The following NOSTRIN variants were observed in gnomAD, a reference collection of about 807,000 sequenced individuals.
The protein encoded by NOSTRIN is nitric oxide synthase trafficking.
Under a neutral mutation model 59.0 loss-of-function variants are expected in NOSTRIN, and 63 were observed. That is an observed-to-expected ratio of 1.07 (90% CI 0.87 to 1.32). NOSTRIN has a LOEUF of 1.32. Among genes scored for constraint, NOSTRIN ranks in the 40% most tolerant of loss-of-function variants. The pLI is 0.00. For missense variants in NOSTRIN, 512 were observed against 473.1 expected (o/e 1.08, Z -0.76); for synonymous variants, 200 against 165.4 (o/e 1.21, Z -1.61).
chr2:168,833,223 A>T (rs1376291691), intron 6 of NOSTRIN, among the ~76,000 whole-genome samples: 1 of 152,142 alleles, frequency 6.6e-6, no homozygotes, highest in Non-Finnish European at 1.5e-5. Context: ...TATTTGGGAG[A>T]CTCTAATGAA....
chr2:168,831,815 G>A (rs1451778165), intron 6 of NOSTRIN, among the ~76,000 whole-genome samples: 1 of 152,068 alleles, frequency 6.6e-6, no homozygotes, highest in East Asian at 1.9e-4. Context: ...ATTGTGCATT[G>A]CCCCATTTTA....
At chr2:168,822,096 A>G (rs1046109037) in intron 2 of NOSTRIN, among the ~76,000 whole-genome samples, 2 of 152,146 alleles carry the variant, frequency 1.3e-5, no homozygotes, top group African/African-American at 4.8e-5. Context: ...CTGGCTGTTA[A>G]CCAGCACTCT....
intron 10 of NOSTRIN, 87 bp downstream of exon 10, chr2:168,851,491 T>C (rs571468451): frequency 2.0e-6 from 3 of 1,499,536 alleles, no homozygotes; most frequent in Admixed American, 2.4e-5. Context: ...AAAGCAAATA[T>C]CATGTTTTAT....
At chr2:168,797,277 G>A (rs529626261), upstream of NOSTRIN, among the ~76,000 whole-genome samples, 15 of 151,136 alleles carry the variant, frequency 9.9e-5, no homozygotes, top group Admixed American at 2.6e-4. Flanking sequence ...TTTTATTTTT[G>A]GTAGAGATGG....
chr2:168,863,897 A>G (rs1183205281), intron 15 of NOSTRIN, among the ~76,000 whole-genome samples: 1 of 151,914 alleles, frequency 6.6e-6, no homozygotes, highest in Non-Finnish European at 1.5e-5. Context: ...AGGATATATG[A>G]TCCAACGTGA....
intron 1 of NOSTRIN, among the ~76,000 whole-genome samples, chr2:168,802,996 C>T (rs926031102): frequency 1.3e-5 from 2 of 152,158 alleles, no homozygotes; most frequent in African/African-American, 4.8e-5. Flanking sequence ...GTGCCAACAT[C>T]ATGTGTGGTG....
At chr2:168,831,606 C>T (rs947431764) in intron 6 of NOSTRIN, 72 bp downstream of exon 6, 41 of 783,198 alleles carry the variant, frequency 5.2e-5, no homozygotes, top group African/African-American at 2.3e-4. Flanking sequence ...CATACAAATG[C>T]GATGACATGT....
chr2:168,824,185 C>A (rs1235417515), intron 2 of NOSTRIN, among the ~76,000 whole-genome samples: 1 of 152,166 alleles, frequency 6.6e-6, no homozygotes, highest in African/African-American at 2.4e-5. Flanking sequence ...GTAAACAAAT[C>A]ATCTCTTCTT....
intron 5 of NOSTRIN, among the ~76,000 whole-genome samples, chr2:168,830,571 G>C (rs370966644): frequency 5.9e-5 from 9 of 152,268 alleles, no homozygotes; most frequent in Admixed American, 3.3e-4. Context: ...TGATCTGCTG[G>C]GTCTGTGTTC....
intron 8 of NOSTRIN, among the ~76,000 whole-genome samples, chr2:168,845,908 T>C (rs1217428529): frequency 1.3e-5 from 2 of 151,914 alleles, no homozygotes; most frequent in Non-Finnish European, 2.9e-5. Context: ...GCTACCTCTA[T>C]GCTGGAGGCC....
At chr2:168,844,069 G>A (rs1352667214) in intron 8 of NOSTRIN, among the ~76,000 whole-genome samples, 2 of 152,216 alleles carry the variant, frequency 1.3e-5, no homozygotes, top group Non-Finnish European at 1.5e-5. Context: ...CGAAAAACAT[G>A]ATGTTGAGGA....
chr2:168,786,914 A>G (rs1685217390), intron 1 of NOSTRIN: 1 of 152,030 alleles, frequency 6.6e-6, no homozygotes, highest in Admixed American at 6.6e-5. Flanking sequence ...TTTTTAGTAG[A>G]GACGGGGTTT....
chr2:168,791,831 G>A (rs912248238), intron 2 of NOSTRIN, among the ~76,000 whole-genome samples: 7 of 152,098 alleles, frequency 4.6e-5, no homozygotes, highest in Admixed American at 1.3e-4. Context: ...TTTTGATGGG[G>A]TTGTTCTTTT....
chr2:168,849,918 A>ATTTTTT lies in NOSTRIN; in HGVS notation c.631-1155_631-1150dup, dbSNP rs71297456. Among the ~76,000 whole-genome samples, 34 of 91,386 alleles carry ATTTTTT rather than the reference A, an allele frequency of 3.7e-4. 3 individuals carry two copies. Among genetic ancestry groups the ATTTTTT allele is most frequent in the Middle Eastern group, 0.012 (2 of 172 alleles). The allele number at this position is 91,386 out of a possible 152,430, so 60.0% of individuals were successfully genotyped here. ...TGGGTCCAATAAGTAACATTTTCTCATTTTTTTTTTTTTTTTGAGACAGTT... is the reference window on the plus strand; with the variant it reads ...TGGGTCCAATAAGTAACATTTTCTCATTTTTTTTTTTTTTTTTTTTTTGAGACAGTT... On this transcript the variant is annotated intron_variant, in intron 8 of 15. Coordinates refer to ENST00000317647, the MANE Select transcript of NOSTRIN (RefSeq NM_001039724.4).
intron 2 of NOSTRIN, among the ~76,000 whole-genome samples, chr2:168,817,673 G>A (rs946069476): frequency 2.0e-5 from 3 of 152,122 alleles, no homozygotes; most frequent in African/African-American, 7.2e-5. Context: ...AGCTGCCATT[G>A]CTTACGTTTT....
chr2:168,790,696 G>T (rs1685324533), intron 2 of NOSTRIN, among the ~76,000 whole-genome samples: 1 of 152,220 alleles, frequency 6.6e-6, no homozygotes, highest in African/African-American at 2.4e-5. Flanking sequence ...CTGAATGCCA[G>T]GCACAATACT....
At chr2:168,798,824 TAGACAGAC>T (rs1553519850), upstream of NOSTRIN, among the ~76,000 whole-genome samples, 1 of 150,508 alleles carries the variant, frequency 6.6e-6, no homozygotes, top group Non-Finnish European at 1.5e-5. Context: ...GATAGATAGA[TAGACAGAC>T]AGACAGACAG....
At chr2:168,857,990 C>G (rs1437684387) in intron 12 of NOSTRIN, among the ~76,000 whole-genome samples, 2 of 152,202 alleles carry the variant, frequency 1.3e-5, no homozygotes, top group Non-Finnish European at 2.9e-5. Flanking sequence ...CACTGGGTAA[C>G]AGAGGTCTAA....
At chr2:168,843,626 G>A (rs1394739550) in intron 8 of NOSTRIN, among the ~76,000 whole-genome samples, 1 of 152,180 alleles carries the variant, frequency 6.6e-6, no homozygotes, top group Non-Finnish European at 1.5e-5. Context: ...GGCAAAATAT[G>A]TCAGCAAGCA....
Sources: allele counts gnomAD v4.1 joint callset (sites outside exome capture counted in the v4.1 genomes callset), GRCh38; gene constraint gnomAD v4.1.1; transcripts MANE v1.5; gene names NCBI Gene and HGNC (gene_info 2026-07-23, HGNC 2026-07-21).